The following MYO1D variants were observed in gnomAD, a reference collection of about 807,000 sequenced individuals.
The protein encoded by MYO1D is myosin ID.
MYO1D carries 83 observed loss-of-function variants against 122.0 expected under a neutral mutation model. The ratio of observed to expected loss-of-function variants is 0.68; its 90% CI spans 0.57 to 0.82. The LOEUF is 0.82. Ranked by LOEUF, MYO1D falls within the 40% of genes least tolerant of loss-of-function variation. The probability of loss-of-function intolerance (pLI) is 0.00; values close to 1 mark genes in which losing one functional copy is unlikely to be tolerated. For synonymous variants in MYO1D, 464 were observed against 446.9 expected (o/e 1.04, Z -0.48); for missense variants, 1,157 against 1,269.5 (o/e 0.91, Z 1.35).
At chr17:32,554,875 G>A (rs1382059051) in intron 21 of MYO1D, among the ~76,000 whole-genome samples, 1 of 152,136 alleles carries the variant, frequency 6.6e-6, no homozygotes, top group Non-Finnish European at 1.5e-5. Context: ...TTTCAAACGG[G>A]CCAATTAAAT....
chr17:32,822,983 AAAAT>A (rs2090688494), intron 1 of MYO1D, among the ~76,000 whole-genome samples: 1 of 152,222 alleles, frequency 6.6e-6, no homozygotes, highest in South Asian at 2.1e-4. Flanking sequence ...AAGTATAATA[AAAAT>A]AAATAAATAA....
chr17:32,624,802 TTCTTTGAGACAGAGTC>T (rs1463901635), intron 20 of MYO1D, among the ~76,000 whole-genome samples: 1 of 149,408 alleles, frequency 6.7e-6, no homozygotes, highest in African/African-American at 2.5e-5. Flanking sequence ...TTTTTTTTTC[TTCTTTGAGACAGAGTC>T]TTGCTCTTGT....
Position 32,585,488 on chromosome 17 carries a change from G to A in MYO1D, c.2864+19599C>T, listed in dbSNP as rs562714915. 3.9e-5 allele frequency among the ~76,000 whole-genome samples: 6 copies of A among 152,232 alleles called. No homozygotes were observed. In the East Asian group the frequency reaches 1.2e-3, roughly 30 times the overall value. On this transcript the variant is annotated intron_variant, in intron 21 of 21. Coordinates refer to ENST00000318217, the MANE Select transcript of MYO1D (RefSeq NM_015194.3). ...CTCATGCCTGTAATCCGAGCACTTT[G>A]ACAGGCCGAGGTGGGAGGATCACCT...
chr17:32,624,749 G>GAAGATATT (rs1000213881), intron 20 of MYO1D, among the ~76,000 whole-genome samples: 9 of 151,422 alleles, frequency 5.9e-5, no homozygotes, highest in African/African-American at 2.2e-4. Flanking sequence ...TAAAAGAAAT[G>GAAGATATT]AAGATATTTT....
chr17:32,854,347 T>C (rs934048745), intron 1 of MYO1D, among the ~76,000 whole-genome samples: 2 of 152,240 alleles, frequency 1.3e-5, no homozygotes. Context: ...ACAGATCTCT[T>C]CCTTACTTAG....
intron 1 of MYO1D, among the ~76,000 whole-genome samples, chr17:32,791,725 A>C (rs2151036445): frequency 6.6e-6 from 1 of 152,328 alleles, no homozygotes; most frequent in Admixed American, 6.5e-5. Context: ...ATTATATCAA[A>C]ATTAGAAGTT....
chr17:32,528,441 ATATGTGTGTGTGCG>A (rs1910412090), intron 21 of MYO1D, among the ~76,000 whole-genome samples: 1 of 151,904 alleles, frequency 6.6e-6, no homozygotes, highest in African/African-American at 2.4e-5. Flanking sequence ...AGGGGTGTGT[ATATGTGTGTGTGCG>A]TATGTGTGTG....
intron 6 of MYO1D, 90 bp from the exon 7 acceptor site, chr17:32,767,842 T>C: frequency 5.5e-6 from 5 of 913,986 alleles, no homozygotes; most frequent in Non-Finnish European, 8.6e-6. Context: ...ACCAAGGTTT[T>C]GCCTTCATAG....
At position 32,784,673 on chromosome 17, in the gene MYO1D, TC is replaced by T. The variant is rs567865284; in HGVS notation, c.96-3890del. On this transcript the variant is annotated intron_variant, in intron 1 of 21. Coordinates refer to ENST00000318217, the MANE Select transcript of MYO1D (RefSeq NM_015194.3). ...AAACAATAGTTCACTGTAAAGGAAT[TC>T]TGAAACCTTTTTTTTAAAGTAGCCT... 1.0e-3 allele frequency among the ~76,000 whole-genome samples: 155 copies of T among 152,256 alleles called. 1 individual carries two copies. Among genetic ancestry groups the T allele is most frequent in the African/African-American group, 3.3e-3 (138 of 41,536 alleles).
intron 16 of MYO1D, among the ~76,000 whole-genome samples, chr17:32,667,229 G>A (rs576570729): frequency 3.9e-5 from 6 of 152,338 alleles, no homozygotes; most frequent in East Asian, 3.9e-4. Flanking sequence ...ATTGACTGAT[G>A]AAGGGTGTGG....
intron 16 of MYO1D, among the ~76,000 whole-genome samples, chr17:32,682,302 A>G (rs2150967758): frequency 6.6e-6 from 1 of 151,376 alleles, no homozygotes; most frequent in Non-Finnish European, 1.5e-5. Flanking sequence ...TTATGATGTT[A>G]GCTGATGATT....
At chr17:32,587,615 G>A (rs1438622898) in intron 21 of MYO1D, among the ~76,000 whole-genome samples, 1 of 152,068 alleles carries the variant, frequency 6.6e-6, no homozygotes, top group Admixed American at 6.5e-5. Flanking sequence ...TATTTAACAA[G>A]GCTGAGTTTT....
intron 15 of MYO1D, among the ~76,000 whole-genome samples, chr17:32,717,223 C>A (rs536965947): frequency 6.6e-6 from 1 of 152,288 alleles, no homozygotes; most frequent in Non-Finnish European, 1.5e-5. Flanking sequence ...AAAATATTCA[C>A]AACTATTATT....
In MYO1D at chr17:32,560,528, C is replaced by CATATATATATAT. The variant is rs56214129; in HGVS notation, c.2864+44547_2864+44558dup. Reference sequence around the variant, plus strand: ...AAAAAAAAGTAATACCCAGAGACAACATATATATATATATATATATATATA... The same window carrying CATATATATATAT: ...AAAAAAAAGTAATACCCAGAGACAACATATATATATATATATATATATATATATATATATATA... On this transcript the variant is annotated intron_variant, in intron 21 of 21. Transcript: ENST00000318217. 1.1e-3 allele frequency among the ~76,000 whole-genome samples: 74 copies of CATATATATATAT among 65,390 alleles called. 1 individual carries two copies. The highest frequency in any genetic ancestry group is 1.9e-3 in the East Asian group (4 of 2,116). The allele number at this position is 65,390 out of a possible 152,430, so 42.9% of individuals were successfully genotyped here.
chr17:32,768,063 A>G (rs1252142228), intron 6 of MYO1D, among the ~76,000 whole-genome samples: 1 of 152,252 alleles, frequency 6.6e-6, no homozygotes, highest in Non-Finnish European at 1.5e-5. Flanking sequence ...TGAAGGCAAC[A>G]GCATGGATGT....
intron 16 of MYO1D, among the ~76,000 whole-genome samples, chr17:32,662,330 A>T (rs1209558590): frequency 1.3e-5 from 2 of 152,176 alleles, no homozygotes; most frequent in African/African-American, 4.8e-5. Flanking sequence ...AGTAGTTGAG[A>T]ACAAGCTCTG....
At chr17:32,803,844 C>T (rs935539031) in intron 1 of MYO1D, among the ~76,000 whole-genome samples, 36 of 152,082 alleles carry the variant, frequency 2.4e-4, no homozygotes, top group African/African-American at 8.5e-4. Flanking sequence ...CAGAGTAGTC[C>T]CACTTATAAA....
rs772624904 is a variant in MYO1D at position 32,745,226 on chromosome 17, C to T, written c.1598G>A (p.Arg533His). 3.9e-6 allele frequency: 6 copies of T among 1,523,624 alleles called. No individual in the cohort carries two copies. Among genetic ancestry groups the T allele is most frequent in the South Asian group, 1.1e-5 (1 of 87,264 alleles). The allele number at this position is 1,523,624 out of a possible 1,614,324, so 94.4% of individuals were successfully genotyped here. A position where few individuals can be genotyped will look rare whatever the true frequency, so the allele number is the denominator to read the frequency against. Residue 533 changes from arginine to histidine, a missense_variant, in exon 13 of 22, where the codon CGC (arginine) becomes CAC (histidine). By Grantham distance (29) the Arg-to-His change is conservative. Coordinates refer to ENST00000318217, the MANE Select transcript of MYO1D (RefSeq NM_015194.3). ...TCAATCTTACCTGTTATACATAAGG[C>T]GCTTGAAATCTTGAAATAAAGTATC... is the stretch of plus-strand genomic sequence containing the variant. ...NKDTLFQDFK[R>H]LMYNSSNPVL...
intron 13 of MYO1D, among the ~76,000 whole-genome samples, chr17:32,742,824 T>C (rs2089787943): frequency 6.6e-6 from 1 of 152,228 alleles, no homozygotes; most frequent in African/African-American, 2.4e-5. Flanking sequence ...TTGATAACAA[T>C]TCTTGAAAGA....
Sources: gnomAD v4.1 joint callset for allele counts (sites outside exome capture counted in the v4.1 genomes callset) on GRCh38, gnomAD v4.1.1 for gene constraint, MANE v1.5 for transcripts, NCBI Gene and HGNC (gene_info 2026-07-23, HGNC 2026-07-21) for gene names.